Variants in CA5B observed in about 807,000 individuals in gnomAD.
The protein encoded by CA5B is carbonic anhydrase 5B, mitochondrial.
Under a neutral mutation model 23.1 loss-of-function variants are expected in CA5B, and 15 were observed. The ratio of observed to expected loss-of-function variants is 0.65; its 90% CI spans 0.43 to 1.00. The LOEUF (loss-of-function observed/expected upper bound fraction) is 1.00. Among genes scored for constraint, CA5B ranks in the 50% least tolerant of loss-of-function variants. The probability of loss-of-function intolerance (pLI) is 0.00; values close to 1 mark genes in which losing one functional copy is unlikely to be tolerated. For synonymous variants in CA5B, 84 were observed against 98.5 expected, an observed-to-expected ratio of 0.85 and a Z score of 0.87; for missense variants, 236 against 252.2, an observed-to-expected ratio of 0.94 and a Z score of 0.43.
Position 15,785,873 on chromosome X carries a change from T to TA in CA5B, c.*3210dup, listed in dbSNP as rs368348669. ...AGCTGTCTTGTTTTTTATTTTTTTT[T>TA]ATTTTTTTTATTTTTTTGAGACAGA... On this transcript the variant is annotated 3_prime_UTR_variant, in exon 8 of 8. Coordinates refer to ENST00000318636, the MANE Select transcript of CA5B (RefSeq NM_007220.4). The TA allele has an allele frequency of 1.8e-5, 2 of 109,999 alleles. No homozygotes were observed. The highest frequency in any genetic ancestry group is 3.8e-5 in the Non-Finnish European group (2 of 52,501). The allele number at this position is 109,999 out of a possible 1,213,427, so 9.1% of individuals were successfully genotyped here. A position where few individuals can be genotyped will look rare whatever the true frequency, so the allele number is the denominator to read the frequency against.
At chrX:15,745,168 C>CAAAA (rs371053756) in intron 1 of CA5B, among the ~76,000 whole-genome samples, 2 of 34,308 alleles carry the variant, frequency 5.8e-5, no homozygotes, top group Admixed American at 3.5e-4. Flanking sequence ...GACTCTGTCT[C>CAAAA]AAAAAAAAAA....
At chrX:15,760,609 C>T (rs1378581583) in intron 2 of CA5B, among the ~76,000 whole-genome samples, 1 of 111,401 alleles carries the variant, frequency 9.0e-6, no homozygotes, top group Non-Finnish European at 1.9e-5. Flanking sequence ...TAAGGATGAC[C>T]AAGGCGTCGT....
At chrX:15,767,004 C>T (rs1931722328) in intron 3 of CA5B, 1 of 542,617 alleles carries the variant, frequency 1.8e-6, no homozygotes, top group African/African-American at 2.4e-5. Context: ...TTCCTGTGTT[C>T]TGGATGACTG....
At chrX:15,762,423 C>T (rs1931622350) in intron 2 of CA5B, among the ~76,000 whole-genome samples, 1 of 110,225 alleles carries the variant, frequency 9.1e-6, no homozygotes, top group Admixed American at 9.6e-5. Context: ...AGTAACAAAA[C>T]AACTACCTTA....
At chrX:15,772,451 C>T in intron 3 of CA5B, 45 bp from the exon 4 acceptor site, 1 of 923,180 alleles carries the variant, frequency 1.1e-6, no homozygotes, top group Non-Finnish European at 1.6e-6. Flanking sequence ...CATTCCTCCA[C>T]TGCACAAATA....
At chrX:15,746,796 G>A (rs1931243805) in intron 1 of CA5B, among the ~76,000 whole-genome samples, 1 of 110,920 alleles carries the variant, frequency 9.0e-6, no homozygotes, top group South Asian at 3.9e-4. Context: ...TTGTTCCTGG[G>A]TAGGATGGCA....
At chrX:15,752,439 C>G (rs1460838474) in intron 2 of CA5B, among the ~76,000 whole-genome samples, 5 of 112,275 alleles carry the variant, frequency 4.5e-5, no homozygotes, top group East Asian at 2.8e-4. Flanking sequence ...TGTAAAGAAT[C>G]TCTGGGCCAG....
At chrX:15,752,521 C>T (rs746306952) in intron 2 of CA5B, among the ~76,000 whole-genome samples, 1 of 102,604 alleles carries the variant, frequency 9.7e-6, no homozygotes, top group African/African-American at 3.6e-5. Context: ...GTCAGGAGAT[C>T]AAGACTATCC....
intron 1 of CA5B, among the ~76,000 whole-genome samples, chrX:15,748,081 G>C (rs186604476): frequency 8.9e-6 from 1 of 111,999 alleles, no homozygotes; most frequent in Non-Finnish European, 1.9e-5. Context: ...TACATAGCAC[G>C]CAGGAAGGCT....
At position 15,783,890 on chromosome X, in the gene CA5B, T is replaced by TC. The variant is rs1411046653; in HGVS notation, c.*1226_*1227insC. On this transcript the variant is annotated 3_prime_UTR_variant, in exon 8 of 8. Coordinates refer to ENST00000318636, the MANE Select transcript of CA5B (RefSeq NM_007220.4). ...TTTCCAGAAATATTTTTCTTTTCTT[T>TC]TTTTTTTTTTTTTTTGAGATGGAGT... is the stretch of plus-strand genomic sequence containing the variant. 2 of 95,826 alleles carry TC rather than the reference T, an allele frequency of 2.1e-5. No individual in the cohort carries two copies. The highest frequency in any genetic ancestry group is 4.3e-5 in the Non-Finnish European group (2 of 47,053). 7.9% of individuals were successfully genotyped at this position (95,826 alleles called of 1,213,427 possible).
intron 1 of CA5B, among the ~76,000 whole-genome samples, chrX:15,743,882 G>A (rs1931171835): frequency 8.9e-6 from 1 of 111,829 alleles, no homozygotes; most frequent in Non-Finnish European, 1.9e-5. Context: ...GGTTTGTGGG[G>A]TTTTGTTTTT....
At chrX:15,753,532 G>A (rs753037395) in intron 2 of CA5B, among the ~76,000 whole-genome samples, 2 of 112,238 alleles carry the variant, frequency 1.8e-5, no homozygotes, top group Non-Finnish European at 3.8e-5. Context: ...ACCTGGAAAG[G>A]GACAGGGGCT....
chrX:15,776,120 C>G, intron 6 of CA5B: 3 of 439,450 alleles, frequency 6.8e-6, no homozygotes, highest in Non-Finnish European at 8.5e-6. Context: ...TGGCGGATCA[C>G]GAGGTCAGGA....
chrX:15,770,749 T>C (rs1468729241), intron 3 of CA5B, among the ~76,000 whole-genome samples: 1 of 109,584 alleles, frequency 9.1e-6, no homozygotes, highest in Non-Finnish European at 1.9e-5. Context: ...TTCTTTCCTT[T>C]CCTTTTCTTT....
chrX:15,758,334 G>T (rs1180868333), intron 2 of CA5B, among the ~76,000 whole-genome samples: 1 of 110,860 alleles, frequency 9.0e-6, no homozygotes, highest in Non-Finnish European at 1.9e-5. Context: ...GCATCCTCAC[G>T]TGGTGGAAGG....
intron 2 of CA5B, among the ~76,000 whole-genome samples, chrX:15,762,535 G>A (rs1037750775): frequency 3.7e-5 from 4 of 108,544 alleles, no homozygotes; most frequent in Non-Finnish European, 5.7e-5. Context: ...GCCATCTCCC[G>A]GGTTCAAGCG....
At chrX:15,759,274 C>T (rs1253761272) in intron 2 of CA5B, among the ~76,000 whole-genome samples, 3 of 111,868 alleles carry the variant, frequency 2.7e-5, no homozygotes, top group African/African-American at 6.5e-5. Flanking sequence ...TTCATGACCC[C>T]CTAACATTTG....
chrX:15,745,179 A>AG (rs1931202485), intron 1 of CA5B, among the ~76,000 whole-genome samples: 1 of 101,988 alleles, frequency 9.8e-6, no homozygotes, highest in Admixed American at 1.1e-4. Context: ...AAAAAAAAAA[A>AG]AAAAAAAAGA....
chrX:15,764,466 C>T lies in CA5B; in HGVS notation c.143-112C>T, dbSNP rs1423935055. ...TGTTTCCTAGGCTGGTCTCAAACTTCTGGCCTCAAGTGATCCACCCGCCTT... is the reference window on the plus strand; with the variant it reads ...TGTTTCCTAGGCTGGTCTCAAACTTTTGGCCTCAAGTGATCCACCCGCCTT... On this transcript the variant is annotated intron_variant, in intron 2 of 7. Coordinates refer to ENST00000318636, the MANE Select transcript of CA5B (RefSeq NM_007220.4). The T allele has an allele frequency of 5.4e-6, 6 of 1,106,422 alleles. No homozygotes were observed. The East Asian group carries it at 1.8e-4, about 34-fold the overall frequency. The allele number at this position is 1,106,422 out of a possible 1,213,427, so 91.2% of individuals were successfully genotyped here. A position where few individuals can be genotyped will look rare whatever the true frequency, so the allele number is the denominator to read the frequency against.
Sources: allele counts gnomAD v4.1 joint callset (sites outside exome capture counted in the v4.1 genomes callset), GRCh38; gene constraint gnomAD v4.1.1; transcripts MANE v1.5; gene names NCBI Gene and HGNC (gene_info 2026-07-23, HGNC 2026-07-21).